TBC1D32: variants seen among roughly 807,000 people sequenced by gnomAD.
TBC1D32 encodes protein broad-minded.
In TBC1D32, 151 loss-of-function variants were observed where a neutral mutation model predicts 170.3. That is an observed-to-expected ratio of 0.89 (90% CI 0.78 to 1.01). The LOEUF is 1.01. Among genes scored for constraint, TBC1D32 ranks in the 50% least tolerant of loss-of-function variants. The pLI, the probability that TBC1D32 is intolerant of heterozygous loss-of-function variation, is 0.00. For missense variants in TBC1D32, 1,464 were observed against 1,457.1 expected (o/e 1.00, Z -0.08); for synonymous variants, 498 against 488.0 (o/e 1.02, Z -0.27).
intron 30 of TBC1D32, among the ~76,000 whole-genome samples, chr6:121,098,072 G>A (rs1777620353): frequency 6.6e-6 from 1 of 151,838 alleles, no homozygotes; most frequent in Non-Finnish European, 1.5e-5. Context: ...GGGAGGGAGA[G>A]CATTAGGAGA....
chr6:121,240,357 A>ATTTTTTTTTTTTTT (rs35946120), intron 19 of TBC1D32, among the ~76,000 whole-genome samples: 1 of 75,294 alleles, frequency 1.3e-5, no homozygotes, highest in Non-Finnish European at 2.4e-5. Context: ...GTTTAGGACA[A>ATTTTTTTTTTTTTT]TTTTTTTTTT....
In TBC1D32 at chr6:121,279,225, C is replaced by T. The variant is rs1274462552; in HGVS notation, c.1629G>A (p.Glu543=). The change falls in exon 15 of 32, where the codon GAG becomes GAA. Residue 543 remains glutamate, a synonymous_variant. Transcript: ENST00000398212. The part of the protein sequence containing the change: ...KGNEASPNCS[E]TALIHIAGIL... ...TACCAGCTATATGAATTAAAGCTGT[C>T]TCAGAGCAATTTGGAGATGCCTGTA... is the stretch of plus-strand genomic sequence containing the variant. The T allele has an allele frequency of 6.2e-7, 1 of 1,608,124 alleles. No individual in the cohort carries two copies. Among genetic ancestry groups the T allele is most frequent in the African/African-American group, 1.3e-5 (1 of 74,654 alleles).
At chr6:121,104,363 T>C (rs1185771535) in intron 30 of TBC1D32, among the ~76,000 whole-genome samples, 1 of 151,646 alleles carries the variant, frequency 6.6e-6, no homozygotes, top group Non-Finnish European at 1.5e-5. Context: ...TAAAATTCAA[T>C]ACTTTAGAAA....
intron 24 of TBC1D32, among the ~76,000 whole-genome samples, chr6:121,145,186 T>C (rs1783270513): frequency 6.6e-6 from 1 of 152,070 alleles, no homozygotes; most frequent in East Asian, 1.9e-4. Context: ...GAAGATATTT[T>C]AAATATAAGA....
chr6:121,237,130 T>C (rs1796425161), intron 20 of TBC1D32: 1 of 152,022 alleles, frequency 6.6e-6, no homozygotes, highest in South Asian at 2.1e-4. Context: ...TCACTTTCAT[T>C]ATTGGAGTAT....
At chr6:121,264,323 T>C (rs936534186) in intron 15 of TBC1D32, among the ~76,000 whole-genome samples, 1 of 152,040 alleles carries the variant, frequency 6.6e-6, no homozygotes, top group East Asian at 1.9e-4. Flanking sequence ...CTAGAAAATC[T>C]AGAAGAAATG....
intron 29 of TBC1D32, among the ~76,000 whole-genome samples, chr6:121,111,630 C>T (rs192874191): frequency 3.3e-5 from 5 of 152,132 alleles, no homozygotes. Flanking sequence ...TGGTGAAGAA[C>T]AAGAATTGGA....
In TBC1D32 at chr6:121,159,554, T is replaced by C. The variant is rs1482747617; in HGVS notation, c.2773+456A>G. ...CTGAGAATTGCATCCTCAAGCAATT[T>C]TGTCACTTTGTGAACACTGTAGAGT... On this transcript the variant is annotated intron_variant, in intron 24 of 31. Coordinates refer to ENST00000398212, the MANE Select transcript of TBC1D32 (RefSeq NM_152730.6). Among the ~76,000 whole-genome samples, 6 of 152,160 alleles carry C rather than the reference T, an allele frequency of 3.9e-5. No individual in the cohort carries two copies. The East Asian group carries it at 5.8e-4, about 15-fold the overall frequency.
intron 22 of TBC1D32, among the ~76,000 whole-genome samples, chr6:121,194,909 CAAG>C (rs1345049943): frequency 6.6e-6 from 1 of 152,158 alleles, no homozygotes; most frequent in Non-Finnish European, 1.5e-5. Context: ...CATATGTCTG[CAAG>C]AAGATGGGAA....
intron 2 of TBC1D32, among the ~76,000 whole-genome samples, chr6:121,317,978 T>C (rs1364077352): frequency 2.0e-5 from 3 of 152,100 alleles, no homozygotes; most frequent in African/African-American, 7.2e-5. Flanking sequence ...TGGATTCCAA[T>C]TGCTAGCAAC....
chr6:121,129,555 G>T (rs567787811), intron 25 of TBC1D32, among the ~76,000 whole-genome samples: 40 of 152,198 alleles, frequency 2.6e-4, no homozygotes, highest in Non-Finnish European at 5.3e-4. Flanking sequence ...ATATATGAAG[G>T]ATGAAATTAC....
chr6:121,118,255 C>T (rs1172667009), intron 26 of TBC1D32, among the ~76,000 whole-genome samples: 3 of 152,056 alleles, frequency 2.0e-5, no homozygotes, highest in Admixed American at 6.6e-5. Flanking sequence ...AGATAGCTCC[C>T]ACTCCCTGAA....
chr6:121,228,389 A>T (rs1461686306), intron 20 of TBC1D32, among the ~76,000 whole-genome samples: 2 of 152,062 alleles, frequency 1.3e-5, no homozygotes, highest in East Asian at 3.8e-4. Context: ...CTTATTTTCT[A>T]ATACAAATAT....
Position 121,256,166 on chromosome 6 carries a change from C to T in TBC1D32, c.1853G>A (p.Arg618His), listed in dbSNP as rs750463642. 5.8e-5 allele frequency: 94 copies of T among 1,613,520 alleles called. 1 individual carries two copies. The Middle Eastern group carries it at 8.2e-4, about 14-fold the overall frequency. The change falls in exon 16 of 32, where the codon CGT (arginine) becomes CAT (histidine). Residue 618 changes from arginine (R) to histidine (H), a missense_variant. By Grantham distance (29) the Arg-to-His change is conservative. Coordinates refer to ENST00000398212, the MANE Select transcript of TBC1D32 (RefSeq NM_152730.6). ...VVKGAFISVC[R>H]HIYSTCEGLQ... ...ACCTTCACATGTACTATATATGTGA[C>T]GACACACAGAAATAAAAGCTCCTTT... is the stretch of plus-strand genomic sequence containing the variant.
At chr6:121,110,794 G>A (rs749944395) in intron 29 of TBC1D32, among the ~76,000 whole-genome samples, 18 of 152,076 alleles carry the variant, frequency 1.2e-4, no homozygotes, top group Admixed American at 4.6e-4. Context: ...TTATACTGTC[G>A]TATAAATGTA....
intron 20 of TBC1D32, among the ~76,000 whole-genome samples, chr6:121,230,293 C>T (rs577465820): frequency 5.9e-5 from 9 of 152,172 alleles, no homozygotes; most frequent in South Asian, 2.1e-4. Context: ...ATTAAACATA[C>T]GGATGCTGAT....
At chr6:121,116,328 AC>A (rs926730693) in intron 26 of TBC1D32, among the ~76,000 whole-genome samples, 1 of 152,166 alleles carries the variant, frequency 6.6e-6, no homozygotes, top group Non-Finnish European at 1.5e-5. Flanking sequence ...GATAAATCAT[AC>A]CCTAAAAACC....
intron 21 of TBC1D32, among the ~76,000 whole-genome samples, chr6:121,213,715 T>C (rs577865584): frequency 3.9e-5 from 6 of 152,220 alleles, no homozygotes; most frequent in African/African-American, 1.2e-4. Flanking sequence ...ATGGGCATAC[T>C]GCCCAAAGCA....
At chr6:121,153,505 C>A (rs1784464306) in intron 24 of TBC1D32, among the ~76,000 whole-genome samples, 1 of 152,092 alleles carries the variant, frequency 6.6e-6, no homozygotes, top group African/African-American at 2.4e-5. Context: ...CTGTCCCTTA[C>A]CAGAGGTCAA....
Sources: gnomAD v4.1 joint callset for allele counts (sites outside exome capture counted in the v4.1 genomes callset) on GRCh38, gnomAD v4.1.1 for gene constraint, MANE v1.5 for transcripts, NCBI Gene and HGNC (gene_info 2026-07-23, HGNC 2026-07-21) for gene names.